NETO1: variants seen among roughly 807,000 people sequenced by gnomAD.
NETO1 encodes neuropilin and tolloid like 1.
A neutral mutation model predicts 61.3 loss-of-function variants in NETO1; 26 were observed. The ratio of observed to expected loss-of-function variants is 0.42; its 90% CI spans 0.31 to 0.59. NETO1 has a LOEUF of 0.59. Among genes scored for constraint, NETO1 ranks in the 20% least tolerant of loss-of-function variants. The pLI is 0.12. For missense variants in NETO1, 531 were observed against 662.8 expected (o/e 0.80, Z 2.18); for synonymous variants, 225 against 225.8 (o/e 1.00, Z 0.03).
intron 7 of NETO1, among the ~76,000 whole-genome samples, chr18:72,779,315 A>G (rs559863332): frequency 9.9e-5 from 15 of 151,198 alleles, no homozygotes; most frequent in African/African-American, 3.6e-4. Context: ...TTATATATAC[A>G]CTAATATACA....
intron 4 of NETO1, among the ~76,000 whole-genome samples, chr18:72,831,370 T>C (rs778760037): frequency 2.6e-5 from 4 of 152,210 alleles, no homozygotes; most frequent in Non-Finnish European, 4.4e-5. Context: ...AGACACTGGG[T>C]TAACTCCACT....
At position 72,830,967 on chromosome 18, in the gene NETO1, G is replaced by A. The variant is rs7238154; in HGVS notation, c.469+27859C>T. 1.3e-3 allele frequency among the ~76,000 whole-genome samples: 198 copies of A among 151,980 alleles called. 1 individual carries two copies. Among genetic ancestry groups the A allele is most frequent in the African/African-American group, 4.6e-3 (189 of 41,430 alleles). On this transcript the variant is annotated intron_variant, in intron 4 of 10. Coordinates refer to ENST00000327305, the MANE Select transcript of NETO1 (RefSeq NM_138966.5). The surrounding 1 kb of genome is among the most constrained non-coding windows in gnomAD (Gnocchi z 4.9). Reference sequence around the variant, plus strand: ...TGCCTTCTGACTGCAAAATCTTCTTGATGAGGTATACTATTACCTCATCAA... The same window carrying A: ...TGCCTTCTGACTGCAAAATCTTCTTAATGAGGTATACTATTACCTCATCAA...
intron 8 of NETO1, among the ~76,000 whole-genome samples, chr18:72,751,047 A>C (rs2070594864): frequency 1.4e-5 from 2 of 142,156 alleles, no homozygotes; most frequent in South Asian, 4.6e-4. Context: ...TCTCATCTTA[A>C]AATACACACA....
chr18:72,865,591 C>T, intron 1 of NETO1: 1 of 1,606,874 alleles, frequency 6.2e-7, no homozygotes, highest in Non-Finnish European at 8.5e-7. Context: ...AATGGCTCTG[C>T]CAGCATCTCT....
chr18:72,755,939 C>A, intron 8 of NETO1, 95 bp downstream of exon 8: 1 of 654,294 alleles, frequency 1.5e-6, no homozygotes, highest in East Asian at 2.6e-5. Flanking sequence ...GCACTATACA[C>A]TCTTATTTTA....
At chr18:72,841,257 T>C (rs940431916) in intron 4 of NETO1, among the ~76,000 whole-genome samples, 3 of 152,156 alleles carry the variant, frequency 2.0e-5, no homozygotes, top group Non-Finnish European at 2.9e-5. Flanking sequence ...TGCTATTATA[T>C]TTGTGTTTTC....
rs796617000 is a variant in NETO1 at position 72,865,309 on chromosome 18, T to C, written c.29-68A>G. ...GATCAAATCCCATAAAAACATAACA[T>C]AATTTCAAGATAAAATAATATCAAA... On this transcript the variant is annotated intron_variant, in intron 1 of 10. Transcript: ENST00000327305. 27 of 1,310,074 alleles carry C rather than the reference T, an allele frequency of 2.1e-5. No individual in the cohort carries two copies. In the African/African-American group the frequency reaches 3.7e-4, roughly 18 times the overall value. 81.2% of individuals were successfully genotyped at this position (1,310,074 alleles called of 1,614,324 possible).
At chr18:72,807,607 A>C (rs1403001483) in intron 4 of NETO1, among the ~76,000 whole-genome samples, 2 of 152,152 alleles carry the variant, frequency 1.3e-5, no homozygotes, top group East Asian at 1.9e-4. Context: ...TGTTCTACAG[A>C]GAAAATATGC....
intron 4 of NETO1, among the ~76,000 whole-genome samples, chr18:72,804,170 A>C (rs1446115151): frequency 1.3e-5 from 2 of 152,182 alleles, no homozygotes; most frequent in Non-Finnish European, 2.9e-5. Context: ...AATATAATAA[A>C]TATTGAATGA....
At chr18:72,834,708 G>A (rs963207233) in intron 4 of NETO1, 25 of 984,676 alleles carry the variant, frequency 2.5e-5, no homozygotes, top group Admixed American at 6.2e-5. Flanking sequence ...ATAATAATAC[G>A]CTCTCTTCAG....
At chr18:72,866,648 C>T (rs895690012) in intron 1 of NETO1, 2 of 908,226 alleles carry the variant, frequency 2.2e-6, no homozygotes, top group Admixed American at 1.2e-4. Flanking sequence ...GATACATTTC[C>T]ACCACACATT....
intron 6 of NETO1, among the ~76,000 whole-genome samples, chr18:72,793,004 TTCTC>T (rs1397106708): frequency 6.6e-6 from 1 of 152,112 alleles, no homozygotes; most frequent in Non-Finnish European, 1.5e-5. Flanking sequence ...AAGGGGTCTT[TTCTC>T]TCTCTCTGTT....
At chr18:72,772,823 CTCTATA>C (rs1413556172) in intron 7 of NETO1, among the ~76,000 whole-genome samples, 8 of 38,846 alleles carry the variant, frequency 2.1e-4, no homozygotes, top group Non-Finnish European at 2.2e-4. Context: ...CTCTCTCTCT[CTCTATA>C]TATATATATA....
At chr18:72,828,809 AACAG>A (rs1291881569) in intron 4 of NETO1, among the ~76,000 whole-genome samples, 1 of 152,348 alleles carries the variant, frequency 6.6e-6, no homozygotes, top group South Asian at 2.1e-4. Flanking sequence ...AACGAAAGCC[AACAG>A]ACAGTCAAAT....
At chr18:72,837,396 A>G (rs912382265) in intron 4 of NETO1, among the ~76,000 whole-genome samples, 7 of 152,326 alleles carry the variant, frequency 4.6e-5, no homozygotes, top group Middle Eastern at 3.4e-3. Context: ...TTGGTCAGTA[A>G]AATAAAAACT....
At chr18:72,835,325 G>A in intron 4 of NETO1, 1 of 1,595,772 alleles carries the variant, frequency 6.3e-7, no homozygotes, top group Non-Finnish European at 8.6e-7. Context: ...TTATTCTGGA[G>A]GCAAAGAGGT....
At chr18:72,773,272 G>A (rs983003946) in intron 7 of NETO1, among the ~76,000 whole-genome samples, 1 of 152,004 alleles carries the variant, frequency 6.6e-6, no homozygotes, top group African/African-American at 2.4e-5. Flanking sequence ...GAGCTCACCT[G>A]ATTAGGTCAG....
chr18:72,780,385 ACT>A (rs1490430682), intron 7 of NETO1, among the ~76,000 whole-genome samples: 5 of 151,684 alleles, frequency 3.3e-5, no homozygotes, highest in African/African-American at 7.3e-5. Flanking sequence ...ATGCCTTGAA[ACT>A]CTATTTTTTT....
Position 72,836,312 on chromosome 18 carries a change from T to C in NETO1, c.469+22514A>G, listed in dbSNP as rs555160394. Among the ~76,000 whole-genome samples, 3 of 152,282 alleles carry C rather than the reference T, an allele frequency of 2.0e-5. No homozygotes were observed. In the East Asian group the frequency reaches 5.8e-4, roughly 29 times the overall value. On this transcript the variant is annotated intron_variant, in intron 4 of 10. Transcript: ENST00000327305. Reference sequence around the variant, plus strand: ...ATCAACCTCAACTTGAAGTCTCTTTTTCAGGGAAGTCTTATACTTATCTCA... The same window carrying C: ...ATCAACCTCAACTTGAAGTCTCTTTCTCAGGGAAGTCTTATACTTATCTCA...
Sources: allele counts gnomAD v4.1 joint callset (sites outside exome capture counted in the v4.1 genomes callset), GRCh38; gene constraint gnomAD v4.1.1; non-coding constraint Gnocchi (gnomAD v3.1); transcripts MANE v1.5; gene names NCBI Gene and HGNC (gene_info 2026-07-23, HGNC 2026-07-21).